Variants in ENOX1 observed in about 807,000 individuals in gnomAD.
ENOX1 encodes candidate growth-related and time keeping constitutive hydroquinone (NADH) oxidase.
Under a neutral mutation model 82.5 loss-of-function variants are expected in ENOX1, and 42 were observed. The observed-to-expected ratio is 0.51, with a 90% CI of 0.40 to 0.66. ENOX1 has a LOEUF of 0.66. Among genes scored for constraint, ENOX1 ranks in the 30% least tolerant of loss-of-function variants. ENOX1 has a pLI of 0.00. For synonymous variants in ENOX1, 271 were observed against 282.2 expected (o/e 0.96, Z 0.40); for missense variants, 608 against 811.6 (o/e 0.75, Z 3.05).
At chr13:43,696,245 T>C (rs2086634359) in intron 1 of ENOX1, among the ~76,000 whole-genome samples, 2 of 152,222 alleles carry the variant, frequency 1.3e-5, no homozygotes, top group Non-Finnish European at 2.9e-5. Context: ...TTATGACTGA[T>C]GTTGTTATGA....
At chr13:43,264,943 G>A (rs2044283287) in intron 14 of ENOX1, among the ~76,000 whole-genome samples, 1 of 152,222 alleles carries the variant, frequency 6.6e-6, no homozygotes, top group Non-Finnish European at 1.5e-5. Flanking sequence ...GAGGAACAGA[G>A]AAGGAGTACA....
intron 1 of ENOX1, among the ~76,000 whole-genome samples, chr13:43,757,265 T>C (rs1262584407): frequency 1.3e-5 from 2 of 152,144 alleles, no homozygotes; most frequent in Admixed American, 6.5e-5. Flanking sequence ...CATCAAGAGG[T>C]AGGGTCAATT....
intron 2 of ENOX1, among the ~76,000 whole-genome samples, chr13:43,557,242 G>T (rs1014219302): frequency 6.6e-6 from 1 of 152,174 alleles, no homozygotes; most frequent in African/African-American, 2.4e-5. Context: ...AAACTGTACA[G>T]AAAGAAATAT....
intron 1 of ENOX1, among the ~76,000 whole-genome samples, chr13:43,675,034 G>A (rs765407873): frequency 3.0e-4 from 46 of 152,144 alleles, no homozygotes; most frequent in African/African-American, 1.1e-3. Flanking sequence ...GGCAGGTCAC[G>A]TTTAGAAGCC....
At chr13:43,736,347 G>T (rs2089630123) in intron 1 of ENOX1, among the ~76,000 whole-genome samples, 1 of 152,154 alleles carries the variant, frequency 6.6e-6, no homozygotes, top group Admixed American at 6.6e-5. Flanking sequence ...CTGTCAATGA[G>T]AATTTTTTTC....
chr13:43,252,778 C>T (rs147403690), intron 14 of ENOX1, among the ~76,000 whole-genome samples: 1 of 152,162 alleles, frequency 6.6e-6, no homozygotes, highest in Non-Finnish European at 1.5e-5. Flanking sequence ...ATGTCAGGTC[C>T]CCCTGGGCAT....
intron 3 of ENOX1, among the ~76,000 whole-genome samples, chr13:43,473,971 A>T (rs1259120816): frequency 1.3e-5 from 2 of 152,178 alleles, no homozygotes; most frequent in African/African-American, 2.4e-5. Flanking sequence ...CAGCACCAAT[A>T]CACCTGTAAT....
chr13:43,584,673 A>T (rs916205185), intron 2 of ENOX1, among the ~76,000 whole-genome samples: 2 of 152,210 alleles, frequency 1.3e-5, no homozygotes, highest in Non-Finnish European at 2.9e-5. Context: ...TGAAATGACA[A>T]ATCTCTGGTT....
At chr13:43,389,850 T>G (rs954585703) in intron 5 of ENOX1, among the ~76,000 whole-genome samples, 1 of 152,174 alleles carries the variant, frequency 6.6e-6, no homozygotes, top group African/African-American at 2.4e-5. Flanking sequence ...GCCAAGACAG[T>G]AGGGTCTACG....
chr13:43,590,913 T>A (rs888423866), intron 2 of ENOX1, among the ~76,000 whole-genome samples: 15 of 152,096 alleles, frequency 9.9e-5, no homozygotes, highest in Admixed American at 7.9e-4. Context: ...GAGAAAATGT[T>A]CCAATAGTAA....
At chr13:43,546,601 A>G (rs1030427958) in intron 2 of ENOX1, 2 of 152,184 alleles carry the variant, frequency 1.3e-5, no homozygotes, top group Non-Finnish European at 1.5e-5. Context: ...TGAAGGATCC[A>G]TATCTTCCAG....
intron 15 of ENOX1, among the ~76,000 whole-genome samples, chr13:43,229,755 G>A (rs1217127868): frequency 6.6e-6 from 1 of 152,196 alleles, no homozygotes; most frequent in African/African-American, 2.4e-5. Context: ...TCCAAAGGGA[G>A]AGCCAGGGGG....
intron 3 of ENOX1, among the ~76,000 whole-genome samples, chr13:43,435,930 TAA>T (rs367835483): frequency 1.4e-5 from 2 of 139,778 alleles, no homozygotes; most frequent in African/African-American, 2.7e-5. Flanking sequence ...CTCAAAGGAT[TAA>T]AAAAAAAAAA....
chr13:43,219,054 T>C (rs1271346607), intron 16 of ENOX1, among the ~76,000 whole-genome samples: 1 of 152,164 alleles, frequency 6.6e-6, no homozygotes, highest in African/African-American at 2.4e-5. Context: ...GAGCTCTGAG[T>C]GAAGTTTACC....
intron 5 of ENOX1, among the ~76,000 whole-genome samples, chr13:43,368,245 A>G (rs939823932): frequency 6.6e-6 from 1 of 152,188 alleles, no homozygotes. Context: ...TCCATCAATA[A>G]AACCCTCTGT....
At chr13:43,288,052 C>T (rs1311960906) in intron 12 of ENOX1, among the ~76,000 whole-genome samples, 1 of 152,060 alleles carries the variant, frequency 6.6e-6, no homozygotes, top group Non-Finnish European at 1.5e-5. Context: ...AGAAAGGTGC[C>T]AAGGAATTAT....
intron 10 of ENOX1, among the ~76,000 whole-genome samples, chr13:43,326,086 A>T (rs919007137): frequency 1.3e-5 from 2 of 152,170 alleles, no homozygotes; most frequent in Non-Finnish European, 2.9e-5. Context: ...AACCCTCTGT[A>T]TTTAAAAGCC....
intron 9 of ENOX1, among the ~76,000 whole-genome samples, chr13:43,342,476 T>C (rs1289315880): frequency 6.6e-6 from 1 of 152,168 alleles, no homozygotes; most frequent in Non-Finnish European, 1.5e-5. Context: ...CCACTTTTGA[T>C]ATTTCAAAGT....
rs888460453 is a variant in ENOX1 at position 43,452,274 on chromosome 13, C to T, written c.-75+31735G>A. Among the ~76,000 whole-genome samples, 11 of 152,242 alleles carry T rather than the reference C, an allele frequency of 7.2e-5. No individual in the cohort carries two copies. In the East Asian group the frequency reaches 1.7e-3, roughly 24 times the overall value. ...CTCCTAATGCTATCCCTCCTCCTGCCCCACACCCCTTGACGGGCCCTGGTG... is the reference window on the plus strand; with the variant it reads ...CTCCTAATGCTATCCCTCCTCCTGCTCCACACCCCTTGACGGGCCCTGGTG... On this transcript the variant is annotated intron_variant, in intron 3 of 16. Transcript: ENST00000690772.
Sources: gnomAD v4.1 joint callset for allele counts (sites outside exome capture counted in the v4.1 genomes callset) on GRCh38, gnomAD v4.1.1 for gene constraint, MANE v1.5 for transcripts, NCBI Gene and HGNC (gene_info 2026-07-23, HGNC 2026-07-21) for gene names.